TRPM8: variants seen among roughly 807,000 people sequenced by gnomAD.
TRPM8 encodes the protein transient receptor potential cation channel subfamily M member 8, also known as TRPM8 cationic channel.
Under a neutral mutation model 133.7 loss-of-function variants are expected in TRPM8, and 110 were observed. That is an observed-to-expected ratio of 0.82 (90% confidence interval 0.70 to 0.96). TRPM8 has a LOEUF of 0.96. TRPM8 is among the 40% of genes least tolerant of loss of function. The pLI, the probability that TRPM8 is intolerant of heterozygous loss-of-function variation, is 0.00. For missense variants in TRPM8, 1,291 were observed against 1,379.5 expected (o/e 0.94, Z 1.02); for synonymous variants, 535 against 532.3 (o/e 1.01, Z -0.07).
Position 233,927,787 on chromosome 2 carries a change from TTTCTTTTCTTTCCTTCC to T in TRPM8, c.117+1137_117+1153del, listed in dbSNP as rs1559516190. On this transcript the variant is annotated intron_variant, in intron 2 of 25. Transcript: ENST00000324695. Reference sequence around the variant, plus strand: ...CTTTCTTTCTTTCTTTCTTTCTTTCTTTCTTTTCTTTCCTTCCTTCCTTCCTTCCTTCCTTCCTTCCT... The same window carrying T: ...CTTTCTTTCTTTCTTTCTTTCTTTCTTTCCTTCCTTCCTTCCTTCCTTCCT... Among the ~76,000 whole-genome samples the T allele has an allele frequency of 2.3e-3, 79 of 33,644 alleles. 2 individuals carry two copies. The East Asian group carries it at 0.039, about 17-fold the overall frequency. 22.1% of individuals were successfully genotyped at this position (33,644 alleles called of 152,430 possible). A position where few individuals can be genotyped will look rare whatever the true frequency, so the allele number is the denominator to read the frequency against.
intron 9 of TRPM8, among the ~76,000 whole-genome samples, chr2:233,950,466 A>C (rs1160377187): frequency 6.6e-6 from 1 of 152,258 alleles, no homozygotes; most frequent in Admixed American, 6.5e-5. Context: ...CAAGAATCTG[A>C]CAAAAAGAGA....
At chr2:234,008,670 G>C (rs1224793757) in intron 24 of TRPM8, among the ~76,000 whole-genome samples, 2 of 152,150 alleles carry the variant, frequency 1.3e-5, no homozygotes, top group Non-Finnish European at 2.9e-5. Context: ...ATTCTATCAC[G>C]TTAGTTTGAG....
chr2:233,943,574 A>G (rs1282430740), intron 6 of TRPM8, among the ~76,000 whole-genome samples: 1 of 152,180 alleles, frequency 6.6e-6, no homozygotes, highest in Non-Finnish European at 1.5e-5. Context: ...AAATCAATGG[A>G]TATTGTCCTT....
At position 234,015,046 on chromosome 2, in the gene TRPM8, C is replaced by A. The variant is rs965639559; in HGVS notation, c.*42+392C>A. On this transcript the variant is annotated intron_variant, in intron 25 of 25. Coordinates refer to ENST00000324695, the MANE Select transcript of TRPM8 (RefSeq NM_024080.5). ...TCATGAATGTATTTACAGATCAGCA[C>A]CCAAAGATGTCTTATTCTCATGATA... Among the ~76,000 whole-genome samples the A allele has an allele frequency of 1.1e-4, 16 of 152,190 alleles. No homozygotes were observed. In the East Asian group the frequency reaches 3.1e-3, roughly 29 times the overall value.
At chr2:233,969,241 G>A (rs887763302) in intron 15 of TRPM8, among the ~76,000 whole-genome samples, 7 of 152,222 alleles carry the variant, frequency 4.6e-5, no homozygotes, top group African/African-American at 1.7e-4. Flanking sequence ...CACTTTGGGA[G>A]GCCGAGGCGG....
chr2:233,924,791 T>A (rs1691478185), intron 1 of TRPM8, among the ~76,000 whole-genome samples: 2 of 152,214 alleles, frequency 1.3e-5, no homozygotes. Flanking sequence ...TTCCTAAGCC[T>A]TGGTGCCCTA....
In TRPM8 at chr2:233,996,424, T is replaced by A; in HGVS notation, c.3038T>A (p.Phe1013Tyr). 1 of 1,614,138 alleles carries A rather than the reference T, an allele frequency of 6.2e-7. No individual in the cohort carries two copies. Among genetic ancestry groups the A allele is most frequent in the Non-Finnish European group, 8.5e-7 (1 of 1,180,024 alleles). The change falls in exon 22 of 26, where the codon TTC becomes TAC. Residue 1013 changes from phenylalanine (F) to tyrosine (Y), a missense_variant. Phe to Tyr is a conservative substitution (Grantham distance 22). Around this residue, in one of 2 missense-constraint regions of TRPM8, gnomAD observed 328 missense variants for 410.6 expected, o/e 0.80. Transcript: ENST00000324695. ...QEYCSRLNIP[F>Y]PFIVFAYFYM... ...TACTGCAGCCGCCTCAATATCCCCT[T>A]CCCCTTCATCGTCTTCGCTTACTTC...
rs1690940006 is a variant in TRPM8, at chr2:233,942,695, G to T, written c.646G>T (p.Ala216Ser). Residue 216 changes from alanine to serine, a missense_variant, in exon 6 of 26, where the codon GCT (alanine) becomes TCT (serine). Ala to Ser is a moderately conservative substitution (Grantham distance 99). Around this residue, in one of 2 missense-constraint regions of TRPM8, gnomAD observed 963 missense variants for 968.9 expected, o/e 0.99. Coordinates refer to ENST00000324695, the MANE Select transcript of TRPM8 (RefSeq NM_024080.5). ...EENIVAIGIA[A>S]WGMVSNRDTL... ...GAATATTGTGGCCATTGGCATAGCA[G>T]CTTGGGGCATGGTCTCCAACCGGGA... 1 of 1,614,072 alleles carries T rather than the reference G, an allele frequency of 6.2e-7. No individual in the cohort carries two copies. Among genetic ancestry groups the T allele is most frequent in the Non-Finnish European group, 8.5e-7 (1 of 1,180,040 alleles).
rs184923045 is a variant in TRPM8, at chr2:233,989,307, C to T, written c.2939+3442C>T. Among the ~76,000 whole-genome samples, 256 of 152,290 alleles carry T rather than the reference C, an allele frequency of 1.7e-3. 1 individual carries two copies. Among genetic ancestry groups the T allele is most frequent in the Non-Finnish European group, 1.7e-3 (113 of 68,022 alleles). On this transcript the variant is annotated intron_variant, in intron 21 of 25. Coordinates refer to ENST00000324695, the MANE Select transcript of TRPM8 (RefSeq NM_024080.5). This position sits in a 1 kb window ranked among gnomAD's most constrained non-coding sequence, Gnocchi z 4.2. ...GCAGCTCAGCGTCTGTGGTCCTGGCCGCGCGTTATCTGGCTTAACTCAGGT... is the reference window on the plus strand; with the variant it reads ...GCAGCTCAGCGTCTGTGGTCCTGGCTGCGCGTTATCTGGCTTAACTCAGGT...
chr2:233,994,499 C>CT (rs1692356430), intron 21 of TRPM8, among the ~76,000 whole-genome samples: 1 of 152,118 alleles, frequency 6.6e-6, no homozygotes, highest in Admixed American at 6.5e-5. Flanking sequence ...AACAGAAATC[C>CT]TTTTCTTTTA....
Position 233,955,269 on chromosome 2 carries a change from T to C in TRPM8, c.1362+19T>C. 5 of 1,594,762 alleles carry C rather than the reference T, an allele frequency of 3.1e-6. No individual in the cohort carries two copies. Among genetic ancestry groups the C allele is most frequent in the Middle Eastern group, 3.3e-4 (2 of 6,010 alleles). The stretch of plus-strand genomic sequence containing the variant: ...ATGGGAGGTAAGCACGAAGCTCTCC[T>C]GGGTTATTCCAGTGTTGGGTCTGGA... On this transcript the variant is annotated intron_variant, in intron 11 of 25. Coordinates refer to ENST00000324695, the MANE Select transcript of TRPM8 (RefSeq NM_024080.5).
intron 21 of TRPM8, among the ~76,000 whole-genome samples, chr2:233,995,298 T>C (rs1692376158): frequency 6.6e-6 from 1 of 152,224 alleles, no homozygotes; most frequent in Admixed American, 6.5e-5. Flanking sequence ...GCTGGAACAG[T>C]GTCTGGTTTA....
Position 233,989,292 on chromosome 2 carries a change from G to A in TRPM8, c.2939+3427G>A, listed in dbSNP as rs978720216. Among the ~76,000 whole-genome samples the A allele has an allele frequency of 1.3e-5, 2 of 152,188 alleles. No individual in the cohort carries two copies. Among genetic ancestry groups the A allele is most frequent in the East Asian group, 1.9e-4 (1 of 5,192 alleles). On this transcript the variant is annotated intron_variant, in intron 21 of 25. Transcript: ENST00000324695. The surrounding 1 kb of genome is among the most constrained non-coding windows in gnomAD (Gnocchi z 4.2). ...GGAGATGAAGTCCCAGCAGCTCAGC[G>A]TCTGTGGTCCTGGCCGCGCGTTATC...
At chr2:233,986,821 T>G (rs1301186546) in intron 21 of TRPM8, among the ~76,000 whole-genome samples, 1 of 151,912 alleles carries the variant, frequency 6.6e-6, no homozygotes, top group African/African-American at 2.4e-5. Flanking sequence ...TCAGAGAAAA[T>G]AAATAATTCA....
intron 23 of TRPM8, among the ~76,000 whole-genome samples, 191 bp from the exon 24 acceptor site, chr2:234,007,879 T>G (rs1379890474): frequency 1.3e-5 from 2 of 152,338 alleles, no homozygotes; most frequent in South Asian, 4.1e-4. Context: ...TGTGATGAGA[T>G]AAAATTCTGC....
intron 7 of TRPM8, 77 bp from the exon 8 acceptor site, chr2:233,947,011 C>G (rs957987994): frequency 1.5e-6 from 2 of 1,370,662 alleles, no homozygotes; most frequent in African/African-American, 1.4e-5. Flanking sequence ...GGCAGAAGCT[C>G]TTGGTCCAAC....
At chr2:234,004,417 C>T (rs1249316299) in intron 22 of TRPM8, among the ~76,000 whole-genome samples, 9 of 152,190 alleles carry the variant, frequency 5.9e-5, no homozygotes, top group South Asian at 2.1e-4. Context: ...TGCCTGAAAC[C>T]GCAGCACTTG....
At chr2:233,928,997 C>CTTTTTTTTTTTTTTTTT (rs750819533) in intron 2 of TRPM8, among the ~76,000 whole-genome samples, 3 of 117,790 alleles carry the variant, frequency 2.5e-5, no homozygotes, top group African/African-American at 3.9e-5. Flanking sequence ...AGTTTCTTTT[C>CTTTTTTTTTTTTTTTTT]TTTTTTTTTT....
chr2:233,939,164 C>A lies in TRPM8; in HGVS notation c.515C>A (p.Ala172Glu). Reference sequence around the variant, plus strand: ...ATCTTCAGCCGGCTCATCTACATCGCGCAGTCCAAAGGTGAGGGTGGGAGC... The same window carrying A: ...ATCTTCAGCCGGCTCATCTACATCGAGCAGTCCAAAGGTGAGGGTGGGAGC... ...RKIFSRLIYI[A>E]QSKGAWILTG... is the part of the protein sequence containing the mutation. The change falls in exon 5 of 26, where the codon GCG (alanine) becomes GAG (glutamate). Residue 172 changes from alanine to glutamate, a missense_variant. Transcript: ENST00000324695. The A allele has an allele frequency of 6.2e-7, 1 of 1,614,062 alleles. No individual in the cohort carries two copies. The highest frequency in any genetic ancestry group is 8.5e-7 in the Non-Finnish European group (1 of 1,180,032).
Sources: gnomAD v4.1 joint callset for allele counts (sites outside exome capture counted in the v4.1 genomes callset) on GRCh38, gnomAD v4.1.1 for gene constraint, gnomAD v4.1.1 regional missense constraint, Gnocchi (gnomAD v3.1) non-coding constraint, MANE v1.5 for transcripts, NCBI Gene and HGNC (gene_info 2026-07-23, HGNC 2026-07-21) for gene names.